Variants in FBXL13 observed in about 807,000 individuals in gnomAD.
FBXL13 encodes F-box and leucine-rich repeat protein 13.
In FBXL13, 67 loss-of-function variants were observed where a neutral mutation model predicts 83.6. The observed-to-expected ratio is 0.80, with a 90% CI of 0.66 to 0.98. FBXL13 has a LOEUF of 0.98. Ranked by LOEUF, FBXL13 falls within the 50% of genes least tolerant of loss-of-function variation. FBXL13 has a pLI of 0.00. For missense variants in FBXL13, 822 were observed against 866.5 expected, an observed-to-expected ratio of 0.95 and a Z score of 0.64; for synonymous variants, 272 against 299.5, an observed-to-expected ratio of 0.91 and a Z score of 0.95.
chr7:102,869,470 T>G (rs1458690600), intron 16 of FBXL13, among the ~76,000 whole-genome samples: 1 of 151,886 alleles, frequency 6.6e-6, no homozygotes, highest in East Asian at 1.9e-4. Context: ...AGAAGCTTTT[T>G]AGGTTGATGT....
At chr7:102,950,782 T>C (rs977173019) in intron 8 of FBXL13, among the ~76,000 whole-genome samples, 10 of 152,156 alleles carry the variant, frequency 6.6e-5, no homozygotes, top group African/African-American at 2.4e-4. Context: ...TGATTCCAAC[T>C]ATATGACATT....
At chr7:102,964,469 C>T (rs1276308472) in intron 7 of FBXL13, among the ~76,000 whole-genome samples, 1 of 149,600 alleles carries the variant, frequency 6.7e-6, no homozygotes, top group Non-Finnish European at 1.5e-5. Context: ...GTGGCACGAT[C>T]TTGGCTCACT....
chr7:103,008,332 G>A (rs977817626), intron 6 of FBXL13, among the ~76,000 whole-genome samples: 9 of 152,144 alleles, frequency 5.9e-5, no homozygotes, highest in Admixed American at 2.0e-4. Context: ...CCTTTTGCTA[G>A]AACATTTTGG....
chr7:102,836,615 C>T (rs1023788559), intron 17 of FBXL13, among the ~76,000 whole-genome samples: 1 of 152,200 alleles, frequency 6.6e-6, no homozygotes, highest in Non-Finnish European at 1.5e-5. Context: ...TGGCTCCTTT[C>T]CCATGTATCA....
At chr7:103,003,857 C>T (rs1482353949) in intron 6 of FBXL13, among the ~76,000 whole-genome samples, 1 of 152,134 alleles carries the variant, frequency 6.6e-6, no homozygotes, top group Non-Finnish European at 1.5e-5. Flanking sequence ...GATTACAGGC[C>T]TGAGCCACCA....
chr7:102,881,583 G>A lies in FBXL13; in HGVS notation c.1388+1722C>T, dbSNP rs77533268. ...TGTAGTGTGTGTGTGTGTGGGGGGG[G>A]TGGGTGTCTCACTGTTATCATTACT... is the stretch of plus-strand genomic sequence containing the variant. On this transcript the variant is annotated intron_variant, in intron 14 of 19. Transcript: ENST00000313221. 6.9e-5 allele frequency among the ~76,000 whole-genome samples: 10 copies of A among 145,060 alleles called. 1 individual carries two copies. The highest frequency in any genetic ancestry group is 2.0e-4 in the Admixed American group (3 of 14,744).
intron 2 of FBXL13, among the ~76,000 whole-genome samples, chr7:103,032,497 C>G (rs1008582423): frequency 1.1e-4 from 16 of 152,192 alleles, no homozygotes; most frequent in Admixed American, 6.5e-5. Context: ...ATAGCCAACT[C>G]TCTGGAATTG....
At chr7:102,998,569 A>G (rs543796250) in intron 6 of FBXL13, among the ~76,000 whole-genome samples, 1 of 152,328 alleles carries the variant, frequency 6.6e-6, no homozygotes, top group East Asian at 1.9e-4. Context: ...GTTGGCATAT[A>G]TAAATGCTAC....
chr7:103,029,573 C>A (rs1025301548), intron 2 of FBXL13, among the ~76,000 whole-genome samples, 155 bp from the exon 4 acceptor site: 2 of 152,046 alleles, frequency 1.3e-5, no homozygotes, highest in African/African-American at 4.8e-5. Context: ...GAACTATATA[C>A]TATTTATGTT....
At chr7:102,825,256 C>G (rs1013620919) in intron 18 of FBXL13, among the ~76,000 whole-genome samples, 6 of 152,092 alleles carry the variant, frequency 3.9e-5, no homozygotes, top group Non-Finnish European at 7.4e-5. Flanking sequence ...AGAGGTGGGG[C>G]CCTTAAGAGG....
intron 14 of FBXL13, among the ~76,000 whole-genome samples, chr7:102,880,306 A>G (rs1275616599): frequency 1.3e-5 from 2 of 151,838 alleles, no homozygotes; most frequent in Non-Finnish European, 2.9e-5. Context: ...AAATCTTAAA[A>G]CTCTGAAATT....
chr7:102,883,523 TA>T, intron 13 of FBXL13, 44 bp downstream of exon 14: 1 of 1,587,262 alleles, frequency 6.3e-7, no homozygotes, highest in Non-Finnish European at 8.6e-7. Flanking sequence ...GCCACAAGAG[TA>T]AAAGTAAACA....
At chr7:102,820,614 T>C (rs1445242555) in intron 19 of FBXL13, among the ~76,000 whole-genome samples, 1 of 152,228 alleles carries the variant, frequency 6.6e-6, no homozygotes. Flanking sequence ...TGGTCCATTT[T>C]GTGTTGCCAT....
chr7:102,914,796 C>T (rs1241086373), intron 10 of FBXL13, among the ~76,000 whole-genome samples: 4 of 152,148 alleles, frequency 2.6e-5, no homozygotes, highest in Non-Finnish European at 4.4e-5. Flanking sequence ...CAAAGACACG[C>T]CCCCTCTCTT....
chr7:102,959,270 C>T (rs954731564), intron 8 of FBXL13, among the ~76,000 whole-genome samples: 1 of 151,942 alleles, frequency 6.6e-6, no homozygotes, highest in Non-Finnish European at 1.5e-5. Flanking sequence ...CTTTTTTTCA[C>T]TAAAAAATGT....
At chr7:102,946,036 C>T (rs1563133044) in intron 8 of FBXL13, among the ~76,000 whole-genome samples, 1 of 152,168 alleles carries the variant, frequency 6.6e-6, no homozygotes, top group African/African-American at 2.4e-5. Context: ...TGCTCACCAC[C>T]ATGCCTGGCT....
chr7:103,024,135 A>AAGAGAGAGAGAGAGAGAGAGAG (rs59206823), intron 6 of FBXL13, among the ~76,000 whole-genome samples: 7 of 96,694 alleles, frequency 7.2e-5, no homozygotes, highest in Non-Finnish European at 1.1e-4. Context: ...AAAAGTTAAA[A>AAGAGAGAGAGAGAGAGAGAGAG]AGAGAGAGAG....
intron 6 of FBXL13, among the ~76,000 whole-genome samples, chr7:103,023,224 T>C (rs1793427508): frequency 6.6e-6 from 1 of 151,972 alleles, no homozygotes; most frequent in African/African-American, 2.4e-5. Context: ...TGCAGTGAGC[T>C]GAGATCGCGC....
chr7:102,821,550 AT>A (rs1465604255), intron 19 of FBXL13, among the ~76,000 whole-genome samples: 2 of 152,266 alleles, frequency 1.3e-5, no homozygotes, highest in East Asian at 3.9e-4. Context: ...CATAGTATTA[AT>A]TTTTCACATC....
Sources: allele counts gnomAD v4.1 joint callset (sites outside exome capture counted in the v4.1 genomes callset), GRCh38; gene constraint gnomAD v4.1.1; transcripts MANE v1.5; gene names NCBI Gene and HGNC (gene_info 2026-07-23, HGNC 2026-07-21).